Variants in USP42 observed in about 807,000 individuals in gnomAD.
The protein encoded by USP42 is ubiquitin carboxyl-terminal hydrolase 42.
Under a neutral mutation model 113.0 loss-of-function variants are expected in USP42, and 23 were observed. The observed-to-expected ratio is 0.20, with a 90% CI of 0.15 to 0.29. The LOEUF (loss-of-function observed/expected upper bound fraction) is 0.29. USP42 is among the 10% of genes least tolerant of loss of function. The pLI is 1.00. For missense variants in USP42, 2,174 were observed against 1,779.8 expected, an observed-to-expected ratio of 1.22 and a Z score of -3.99; for synonymous variants, 933 against 699.0, an observed-to-expected ratio of 1.33 and a Z score of -5.28.
At chr7:6,085,814 C>T in the USP42 span, among the ~76,000 whole-genome samples, 20 of 150,384 alleles carry the variant, frequency 1.3e-4, no homozygotes, top group African/African-American at 2.7e-4. Context: ...GGGATCTCAC[C>T]ATGTTGGCCA....
chr7:6,153,901 A>G lies in USP42; in HGVS notation c.2347A>G (p.Thr783Ala), dbSNP rs768328292. The G allele has an allele frequency of 6.3e-7, 1 of 1,590,360 alleles. No individual in the cohort carries two copies. Among genetic ancestry groups the G allele is most frequent in the Non-Finnish European group, 8.5e-7 (1 of 1,170,708 alleles). The change falls in exon 15 of 18, where the codon ACC becomes GCC. Residue 783 changes from threonine to alanine, a missense_variant. Physicochemically the swap from Thr to Ala is moderately conservative, Grantham distance 58. Coordinates refer to ENST00000306177, the MANE Select transcript of USP42 (RefSeq NM_032172.3). Reference sequence around the variant, plus strand: ...GGCTCCGCCGCCCCGCGATCCCGGCACCCCCGCTACCAAAGAAGGCGCCTG... The same window carrying G: ...GGCTCCGCCGCCCCGCGATCCCGGCGCCCCCGCTACCAAAGAAGGCGCCTG... ...KKAPPPRDPGTPATKEGAWEA... is the reference protein window; with the variant it reads ...KKAPPPRDPGAPATKEGAWEA...
At chr7:6,148,023 C>A in intron 12 of USP42, 131 bp downstream of exon 12, 1 of 991,224 alleles carries the variant, frequency 1.0e-6, no homozygotes, top group South Asian at 1.8e-5. Context: ...TTAATCAAAC[C>A]CTCTTACACA....
intron 3 of USP42, among the ~76,000 whole-genome samples, chr7:6,118,962 C>T (rs1395740152): frequency 6.6e-6 from 1 of 151,572 alleles, no homozygotes; most frequent in Non-Finnish European, 1.5e-5. Context: ...TGTCTGTAAT[C>T]TCAGTGTTTT....
chr7:6,138,225 A>G (rs1315960632), intron 4 of USP42, among the ~76,000 whole-genome samples: 1 of 152,176 alleles, frequency 6.6e-6, no homozygotes, highest in Non-Finnish European at 1.5e-5. Context: ...TTAGTGTGAT[A>G]TTGCTTATAC....
rs745441517 is a variant in USP42, at chr7:6,156,986, C to T, written c.3874C>T (p.Arg1292Cys). ...GCCTCTGGAAGGCGTCGGACCTTTC[C>T]GTGAGAAAACGAAACACTTACGGAT... The part of the protein sequence containing the change: ...GPPLEGVGPF[R>C]EKTKHLRMES... The change falls in exon 16 of 18, where the codon CGT becomes TGT. Residue 1292 changes from arginine (R) to cysteine (C), a missense_variant. Transcript: ENST00000306177. The T allele has an allele frequency of 1.3e-5, 21 of 1,613,174 alleles. No homozygotes were observed. Among genetic ancestry groups the T allele is most frequent in the Middle Eastern group, 3.3e-4 (2 of 6,084 alleles).
intron 3 of USP42, among the ~76,000 whole-genome samples, chr7:6,131,927 CTA>C (rs1198109944): frequency 1.3e-5 from 2 of 152,152 alleles, no homozygotes; most frequent in Non-Finnish European, 2.9e-5. Context: ...GTGTAGAATT[CTA>C]TGTTAACATT....
rs371983611 is a variant in USP42 at position 6,126,585 on chromosome 7, G to C, written c.443-9256G>C. Among the ~76,000 whole-genome samples the C allele has an allele frequency of 4.0e-3, 614 of 152,316 alleles. 2 individuals are homozygous for C. The highest frequency in any genetic ancestry group is 0.014 in the African/African-American group (589 of 41,570). On this transcript the variant is annotated intron_variant, in intron 3 of 17. Transcript: ENST00000306177. The stretch of plus-strand genomic sequence containing the variant: ...CAGGCATGAGCCACTGTGCCGGCCT[G>C]ATAACGCCACAGTTTCTTTAACTAC...
At chr7:6,129,168 G>C (rs1780703696) in intron 3 of USP42, among the ~76,000 whole-genome samples, 1 of 152,212 alleles carries the variant, frequency 6.6e-6, no homozygotes, top group South Asian at 2.1e-4. Flanking sequence ...TTTTACCACG[G>C]TTTACTGGTA....
rs1583684349 is a variant in USP42, at chr7:6,153,669, G to A, written c.2202-87G>A. 1.1e-5 allele frequency: 15 copies of A among 1,355,462 alleles called. No homozygotes were observed. The Admixed American group carries it at 2.3e-4, about 21-fold the overall frequency. The allele number at this position is 1,355,462 out of a possible 1,614,324, so 84.0% of individuals were successfully genotyped here. On this transcript the variant is annotated intron_variant, in intron 14 of 17. Coordinates refer to ENST00000306177, the MANE Select transcript of USP42 (RefSeq NM_032172.3). ...TAAAGAGACGAAATAGCAAATGAAC[G>A]TTTTGAAGTATTTGTCCTTGTAATG... is the stretch of plus-strand genomic sequence containing the variant.
intron 3 of USP42, among the ~76,000 whole-genome samples, chr7:6,135,279 A>G (rs1351307816): frequency 2.6e-5 from 4 of 152,200 alleles, no homozygotes; most frequent in Non-Finnish European, 4.4e-5. Context: ...ACATTGGGCA[A>G]ACTTTTAAAC....
At chr7:6,097,842 G>A in the USP42 span, among the ~76,000 whole-genome samples, 27 of 149,620 alleles carry the variant, frequency 1.8e-4, no homozygotes, top group African/African-American at 4.5e-4. Context: ...CGCCCGCCTC[G>A]GCCTCCCAAA....
chr7:6,122,445 C>G (rs1174853937), intron 3 of USP42, among the ~76,000 whole-genome samples: 2 of 151,812 alleles, frequency 1.3e-5, no homozygotes, highest in South Asian at 2.1e-4. Flanking sequence ...ACCACCATGC[C>G]TTTTGTTTTG....
Position 6,155,209 on chromosome 7 carries a change from C to A in USP42, c.3641+14C>A. ...CCGCGACTCCAGGTGAGCCTGGGGC[C>A]TTGTGCTCCCCGAGGCGCTGGCGCT... On this transcript the variant is annotated intron_variant, in intron 15 of 17. Coordinates refer to ENST00000306177, the MANE Select transcript of USP42 (RefSeq NM_032172.3). The A allele has an allele frequency of 6.6e-7, 1 of 1,515,764 alleles. No individual in the cohort carries two copies. The highest frequency in any genetic ancestry group is 8.8e-7 in the Non-Finnish European group (1 of 1,139,154). 93.9% of individuals were successfully genotyped at this position (1,515,764 alleles called of 1,614,324 possible). A position where few individuals can be genotyped will look rare whatever the true frequency, so the allele number is the denominator to read the frequency against.
chr7:6,091,789 G>A, the USP42 span, among the ~76,000 whole-genome samples: 1 of 149,806 alleles, frequency 6.7e-6, no homozygotes, highest in African/African-American at 2.5e-5. Flanking sequence ...GTGCAAAGTG[G>A]GGTGGTGTCT....
At chr7:6,140,732 A>G (rs1781385162) in intron 6 of USP42, among the ~76,000 whole-genome samples, 182 bp from the exon 7 acceptor site, 1 of 152,192 alleles carries the variant, frequency 6.6e-6, no homozygotes, top group African/African-American at 2.4e-5. Flanking sequence ...TGAGGGGCCA[A>G]ATTCATTACA....
In USP42 at chr7:6,149,760, A is replaced by C. The variant is rs771197004; in HGVS notation, c.1564A>C (p.Ile522Leu). Reference protein sequence around the residue: ...VIPEHPKKQKITISIHNKLPV... With the variant: ...VIPEHPKKQKLTISIHNKLPV... ...CCCAGAACATCCTAAGAAACAAAAA[A>C]TTACAATCAGTATTCACAACAAGTT... is the stretch of plus-strand genomic sequence containing the variant. The change falls in exon 13 of 18, where the codon ATT becomes CTT. Residue 522 changes from isoleucine (I) to leucine (L), a missense_variant. Transcript: ENST00000306177. 8.1e-6 allele frequency: 13 copies of C among 1,614,016 alleles called. No individual in the cohort carries two copies. The highest frequency in any genetic ancestry group is 1.0e-5 in the Non-Finnish European group (12 of 1,179,898).
intron 12 of USP42, among the ~76,000 whole-genome samples, chr7:6,148,805 TCA>T (rs1781866538): frequency 2.0e-5 from 3 of 152,128 alleles, no homozygotes; most frequent in Non-Finnish European, 4.4e-5. Context: ...TATAACAGAG[TCA>T]CACATCAAAT....
At chr7:6,119,757 A>G (rs1190757355) in intron 3 of USP42, among the ~76,000 whole-genome samples, 2 of 151,946 alleles carry the variant, frequency 1.3e-5, no homozygotes, top group African/African-American at 4.8e-5. Flanking sequence ...GCTAGAGTAC[A>G]GTGGTGCACA....
At position 6,154,332 on chromosome 7, in the gene USP42, C is replaced by G. The variant is rs370615204; in HGVS notation, c.2778C>G (p.Asp926Glu). 2 of 1,570,644 alleles carry G rather than the reference C, an allele frequency of 1.3e-6. No homozygotes were observed. The highest frequency in any genetic ancestry group is 8.6e-7 in the Non-Finnish European group (1 of 1,159,124). ...CTAGCCCCGGCGAGAGGGTCGAGGA[C>G]GCCGCGGCGCCGAAAGCCCCAGGCC... ...AEPSPGERVE[D>E]AAAPKAPGPS... The change falls in exon 15 of 18, where the codon GAC becomes GAG. Residue 926 changes from aspartate to glutamate, a missense_variant. Physicochemically the swap from Asp to Glu is conservative, Grantham distance 45 (BLOSUM62 2). Transcript: ENST00000306177.
Sources: gnomAD v4.1 joint callset for allele counts (sites outside exome capture counted in the v4.1 genomes callset) on GRCh38, gnomAD v4.1.1 for gene constraint, MANE v1.5 for transcripts, NCBI Gene and HGNC (gene_info 2026-07-23, HGNC 2026-07-21) for gene names.